Variants in VEPH1 observed in about 807,000 individuals in gnomAD.
VEPH1 encodes the protein ventricular zone-expressed PH domain-containing protein homolog 1.
A neutral mutation model predicts 85.2 loss-of-function variants in VEPH1; 80 were observed. The ratio of observed to expected loss-of-function variants is 0.94; its 90% CI spans 0.78 to 1.13. VEPH1 has a LOEUF of 1.13. Among genes scored for constraint, VEPH1 ranks in the 50% most tolerant of loss-of-function variants. The pLI, the probability that VEPH1 is intolerant of heterozygous loss-of-function variation, is 0.00. For synonymous variants in VEPH1, 297 were observed against 348.0 expected, an observed-to-expected ratio of 0.85 and a Z score of 1.63; for missense variants, 955 against 980.5, an observed-to-expected ratio of 0.97 and a Z score of 0.35.
chr3:157,317,155 C>A lies in VEPH1; in HGVS notation c.1782G>T (p.Leu594=). The A allele has an allele frequency of 6.2e-7, 1 of 1,613,002 alleles. No homozygotes were observed. Among genetic ancestry groups the A allele is most frequent in the Non-Finnish European group, 8.5e-7 (1 of 1,179,434 alleles). The part of the protein sequence containing the change: ...CVAKLFFTCS[L]KGHYCLYSKS... Reference sequence around the variant, plus strand: ...TACTGTATAGGCAGTAATGACCCTTCAGGGAGCAGGTGAAGAACAACTTTG... The same window carrying A: ...TACTGTATAGGCAGTAATGACCCTTAAGGGAGCAGGTGAAGAACAACTTTG... Residue 594 remains leucine (L), a synonymous_variant, in exon 10 of 14, where the codon CTG becomes CTT. Coordinates refer to ENST00000362010, the MANE Select transcript of VEPH1 (RefSeq NM_001167912.2).
At chr3:157,389,909 C>G (rs1285522661) in intron 6 of VEPH1, among the ~76,000 whole-genome samples, 2 of 152,206 alleles carry the variant, frequency 1.3e-5, no homozygotes, top group African/African-American at 4.8e-5. Context: ...ATCTTCCCTT[C>G]TACTTGGCTA....
At chr3:157,355,753 A>T (rs1224724564) in intron 9 of VEPH1, among the ~76,000 whole-genome samples, 1 of 152,194 alleles carries the variant, frequency 6.6e-6, no homozygotes, top group Non-Finnish European at 1.5e-5. Flanking sequence ...TTTCTTTGAC[A>T]GTTTTACATT....
At chr3:157,455,219 T>C (rs914108627) in intron 4 of VEPH1, among the ~76,000 whole-genome samples, 1 of 152,212 alleles carries the variant, frequency 6.6e-6, no homozygotes, top group African/African-American at 2.4e-5. Flanking sequence ...AAATAGTGTA[T>C]AAGCGTTCTC....
chr3:157,489,584 T>C (rs1739023861), intron 2 of VEPH1, among the ~76,000 whole-genome samples: 1 of 152,156 alleles, frequency 6.6e-6, no homozygotes, highest in Non-Finnish European at 1.5e-5. Context: ...GCCTCCGATA[T>C]CCTGTCACTG....
At chr3:157,421,489 C>T (rs1560048416) in intron 5 of VEPH1, among the ~76,000 whole-genome samples, 1 of 152,210 alleles carries the variant, frequency 6.6e-6, no homozygotes, top group Non-Finnish European at 1.5e-5. Context: ...TAGTTAGCTT[C>T]CTATTTCACC....
intron 7 of VEPH1, among the ~76,000 whole-genome samples, chr3:157,367,466 A>C (rs931766367): frequency 7.9e-5 from 12 of 152,142 alleles, no homozygotes; most frequent in African/African-American, 2.9e-4. Context: ...GGGAGTATTT[A>C]TTTTCTATCC....
chr3:157,346,584 G>A (rs1724246751), intron 9 of VEPH1, among the ~76,000 whole-genome samples: 2 of 151,696 alleles, frequency 1.3e-5, no homozygotes, highest in Non-Finnish European at 2.9e-5. Context: ...TTTTGGAAAT[G>A]TCCTCATATT....
At chr3:157,442,856 T>G in intron 4 of VEPH1, 1 of 1,614,134 alleles carries the variant, frequency 6.2e-7, no homozygotes. Context: ...TCTGGGATAG[T>G]GTTCTTAGCA....
At chr3:157,267,094 TTTTTTTTC>T (rs1257578762) in intron 12 of VEPH1, among the ~76,000 whole-genome samples, 6 of 105,408 alleles carry the variant, frequency 5.7e-5, no homozygotes, top group South Asian at 3.6e-4. Flanking sequence ...TTTCTTTTTC[TTTTTTTTC>T]TTTTTTTTTT....
rs543250108 is a variant in VEPH1 at position 157,482,922 on chromosome 3, T to C, written c.138+12290A>G. ...TGCAGTGTTTTCTAGGTATAAATTA[T>C]GTTTTCAGGGAGGAGAGATATTTGG... is the stretch of plus-strand genomic sequence containing the variant. On this transcript the variant is annotated intron_variant, in intron 2 of 13. Transcript: ENST00000362010. Among the ~76,000 whole-genome samples the C allele has an allele frequency of 8.5e-5, 13 of 152,282 alleles. No individual in the cohort carries two copies. The East Asian group carries it at 2.5e-3, about 29-fold the overall frequency.
chr3:157,301,147 G>A (rs951062320), intron 11 of VEPH1, among the ~76,000 whole-genome samples: 1 of 152,214 alleles, frequency 6.6e-6, no homozygotes. Context: ...CCTTATCCAC[G>A]GAGCATGCTG....
At chr3:157,326,867 C>T (rs1577347980) in intron 9 of VEPH1, among the ~76,000 whole-genome samples, 1 of 152,220 alleles carries the variant, frequency 6.6e-6, no homozygotes, top group Admixed American at 6.5e-5. Context: ...AAGCACAGCT[C>T]CTGAAGCCAG....
intron 4 of VEPH1, among the ~76,000 whole-genome samples, chr3:157,448,194 ATGAGC>A (rs1398902742): frequency 6.6e-6 from 1 of 152,178 alleles, no homozygotes; most frequent in East Asian, 1.9e-4. Context: ...CAGAGAAAAA[ATGAGC>A]TGAATTTATC....
At chr3:157,276,190 A>G (rs1179708253) in intron 12 of VEPH1, among the ~76,000 whole-genome samples, 1 of 152,196 alleles carries the variant, frequency 6.6e-6, no homozygotes, top group Non-Finnish European at 1.5e-5. Context: ...GCACTGCCAC[A>G]TGTGACTGAA....
At chr3:157,369,958 G>A (rs563832312) in intron 7 of VEPH1, among the ~76,000 whole-genome samples, 1 of 152,216 alleles carries the variant, frequency 6.6e-6, no homozygotes, top group Admixed American at 6.5e-5. Context: ...CACTTAGGGG[G>A]TTGTTATTTC....
Position 157,363,710 on chromosome 3 carries a change from AT to A in VEPH1, c.1388del (p.Asp463ValfsTer20). On this transcript the variant is annotated frameshift_variant, in exon 9 of 14. Transcript: ENST00000362010. LOFTEE classifies it high-confidence loss of function. Reference protein sequence around the residue: ...HTMLTKGVGSDDGEDENRGDI... With the variant: ...HTMLTKGVGSXDGEDENRGDI... ...CTCCCCTGTTTTCATCTTCGCCGTC[AT>A]CTGAACCCACACCCTTTGTGAGCAT... 1 of 1,614,134 alleles carries A rather than the reference AT, an allele frequency of 6.2e-7. No homozygotes were observed. The highest frequency in any genetic ancestry group is 8.5e-7 in the Non-Finnish European group (1 of 1,180,004).
At chr3:157,438,235 G>T (rs1331610346) in intron 4 of VEPH1, among the ~76,000 whole-genome samples, 2 of 151,932 alleles carry the variant, frequency 1.3e-5, no homozygotes, top group Non-Finnish European at 2.9e-5. Flanking sequence ...CACCCGATCC[G>T]ACTAAGCGCT....
chr3:157,483,817 G>A (rs1738370038), intron 2 of VEPH1, among the ~76,000 whole-genome samples: 1 of 152,146 alleles, frequency 6.6e-6, no homozygotes. Flanking sequence ...TCAATGCCTA[G>A]AATATTGCTA....
intron 7 of VEPH1, among the ~76,000 whole-genome samples, chr3:157,376,650 G>C (rs1408999145): frequency 6.6e-6 from 1 of 152,194 alleles, no homozygotes; most frequent in Admixed American, 6.5e-5. Flanking sequence ...AGCAGGAAAA[G>C]TGCAAGTGGG....
Sources: gnomAD v4.1 joint callset for allele counts (sites outside exome capture counted in the v4.1 genomes callset) on GRCh38, gnomAD v4.1.1 for gene constraint, MANE v1.5 for transcripts, NCBI Gene and HGNC (gene_info 2026-07-23, HGNC 2026-07-21) for gene names.